Variants in ZFHX3 observed in about 807,000 individuals in gnomAD.
The protein encoded by ZFHX3 is zinc finger homeobox protein 3.
In ZFHX3, 42 loss-of-function variants were observed where a neutral mutation model predicts 279.1. The observed-to-expected ratio is 0.15, with a 90% CI of 0.12 to 0.19. ZFHX3 has a LOEUF of 0.19. Ranked by LOEUF, ZFHX3 falls within the 10% of genes least tolerant of loss-of-function variation. The probability of loss-of-function intolerance (pLI) is 1.00; values close to 1 mark genes in which losing one functional copy is unlikely to be tolerated. For missense variants in ZFHX3, 4,981 were observed against 4,754.0 expected (o/e 1.05, Z -1.40); for synonymous variants, 2,293 against 1,957.8 (o/e 1.17, Z -4.52).
intron 7 of ZFHX3, among the ~76,000 whole-genome samples, chr16:72,810,535 C>T (rs868448455): frequency 1.3e-5 from 2 of 152,216 alleles, no homozygotes; most frequent in Non-Finnish European, 2.9e-5. Flanking sequence ...TAGGACATCA[C>T]CATCACTGGC....
At chr16:73,723,902 T>C (rs1012825659) in intron 1 of ZFHX3, among the ~76,000 whole-genome samples, 5 of 152,190 alleles carry the variant, frequency 3.3e-5, no homozygotes, top group African/African-American at 9.7e-5. Context: ...TATTTAAGCA[T>C]TGAAGAAAAC....
At position 73,468,601 on chromosome 16, in the gene ZFHX3, G is replaced by A. The variant is rs149696934; in HGVS notation, c.-1546-12343C>T. Among the ~76,000 whole-genome samples the A allele has an allele frequency of 5.3e-3, 809 of 152,270 alleles. 3 individuals are homozygous for A. Among genetic ancestry groups the A allele is most frequent in the South Asian group, 8.3e-3 (40 of 4,822 alleles). On this transcript the variant is annotated intron_variant, in intron 2 of 17. Transcript: ENST00000641206. ...AAATACAAAATATTAGCCAGGTGTG[G>A]TGGGACATGCCTGTAATCCCAGCTT...
At chr16:73,297,615 G>C (rs1163864665) in intron 4 of ZFHX3, among the ~76,000 whole-genome samples, 1 of 151,954 alleles carries the variant, frequency 6.6e-6, no homozygotes. Context: ...AGTCAAACGG[G>C]ACACATGTAG....
intron 7 of ZFHX3, among the ~76,000 whole-genome samples, chr16:72,803,093 A>G (rs1236859035): frequency 6.6e-6 from 1 of 152,160 alleles, no homozygotes; most frequent in Non-Finnish European, 1.5e-5. Context: ...GCACTTTGGG[A>G]GGCTGAGGCG....
At chr16:73,010,987 ATTTTGTGAGACAGGGTCTCAC>A (rs1432207769) in intron 1 of ZFHX3, among the ~76,000 whole-genome samples, 2 of 151,588 alleles carry the variant, frequency 1.3e-5, no homozygotes, top group Non-Finnish European at 2.9e-5. Context: ...TGTTTGTTTT[ATTTTGTGAGACAGGGTCTCAC>A]TCTTGTCATC....
chr16:73,173,001 T>G (rs1484267753), intron 5 of ZFHX3, among the ~76,000 whole-genome samples: 4 of 64,914 alleles, frequency 6.2e-5, no homozygotes, highest in Non-Finnish European at 1.2e-4. Context: ...TTTTTGTTTT[T>G]TTTTTTGTTT....
At chr16:72,967,760 C>CA (rs1201182514) in intron 1 of ZFHX3, among the ~76,000 whole-genome samples, 2,195 of 81,614 alleles carry the variant, frequency 0.027, 34 homozygotes, top group African/African-American at 0.059. Context: ...ACTAAAAATA[C>CA]AAAAAAAAAA....
At chr16:73,770,389 T>G (rs1289170332) in intron 1 of ZFHX3, among the ~76,000 whole-genome samples, 1 of 152,220 alleles carries the variant, frequency 6.6e-6, no homozygotes, top group Non-Finnish European at 1.5e-5. Context: ...GAAGACCCAT[T>G]TTGAACTTCT....
chr16:73,586,814 A>C (rs2143833517), intron 2 of ZFHX3, among the ~76,000 whole-genome samples: 1 of 152,352 alleles, frequency 6.6e-6, no homozygotes, highest in South Asian at 2.1e-4. Flanking sequence ...AATAGTTAGT[A>C]TTAGATGACT....
At chr16:73,541,786 C>CT (rs546761843) in intron 2 of ZFHX3, among the ~76,000 whole-genome samples, 3,303 of 87,994 alleles carry the variant, frequency 0.038, 311 homozygotes, top group Non-Finnish European at 0.052. Context: ...TGGTGGTTCT[C>CT]TTTTTTTTTT....
At chr16:73,377,376 A>G (rs373690234) in intron 3 of ZFHX3, among the ~76,000 whole-genome samples, 3 of 152,276 alleles carry the variant, frequency 2.0e-5, no homozygotes, top group African/African-American at 7.2e-5. Flanking sequence ...ACCAGGTATT[A>G]AGACTTACCA....
intron 4 of ZFHX3, among the ~76,000 whole-genome samples, chr16:72,863,023 C>T (rs925149845): frequency 2.6e-5 from 4 of 151,902 alleles, no homozygotes; most frequent in Non-Finnish European, 5.9e-5. Flanking sequence ...GGTGGAGGAT[C>T]GCTTGAGCCC....
chr16:72,947,385 T>C (rs1006963216), intron 3 of ZFHX3, among the ~76,000 whole-genome samples: 1 of 152,168 alleles, frequency 6.6e-6, no homozygotes, highest in Non-Finnish European at 1.5e-5. Flanking sequence ...GATTAAAAAT[T>C]ATCTCACGCT....
exon 7 of ZFHX3, chr16:73,131,086 C>T (rs1042380780): frequency 2.4e-6 from 2 of 825,384 alleles, no homozygotes; most frequent in Non-Finnish European, 1.8e-6. Flanking sequence ...TGTGTCTCAG[C>T]TTCTCTATCT....
intron 3 of ZFHX3, among the ~76,000 whole-genome samples, chr16:73,369,661 T>G (rs2016588900): frequency 6.6e-6 from 1 of 152,218 alleles, no homozygotes; most frequent in African/African-American, 2.4e-5. Flanking sequence ...GGACCACCTG[T>G]GAGCCTGCTA....
chr16:73,227,827 C>G (rs2012647442), intron 5 of ZFHX3, among the ~76,000 whole-genome samples: 1 of 98,030 alleles, frequency 1.0e-5, no homozygotes, highest in African/African-American at 4.2e-5. Flanking sequence ...TCAGCCTGAG[C>G]AACAGAGCAA....
At chr16:73,034,766 G>A (rs939651979) in intron 1 of ZFHX3, among the ~76,000 whole-genome samples, 1 of 152,218 alleles carries the variant, frequency 6.6e-6, no homozygotes, top group African/African-American at 2.4e-5. Context: ...CTGCCTCTGG[G>A]AAGGTTTTCA....
intron 2 of ZFHX3, among the ~76,000 whole-genome samples, chr16:73,649,668 T>A (rs927398118): frequency 2.6e-5 from 4 of 152,228 alleles, no homozygotes; most frequent in African/African-American, 9.6e-5. Context: ...TGCACCGTGC[T>A]TCCTAGCCAG....
At chr16:72,823,824 G>A (rs2036863168) in intron 5 of ZFHX3, among the ~76,000 whole-genome samples, 1 of 152,114 alleles carries the variant, frequency 6.6e-6, no homozygotes, top group Admixed American at 6.5e-5. Flanking sequence ...AGGTCACGCA[G>A]GTGAACTTAG....
Sources: gnomAD v4.1 joint callset for allele counts (sites outside exome capture counted in the v4.1 genomes callset) on GRCh38, gnomAD v4.1.1 for gene constraint, MANE v1.5 for transcripts, NCBI Gene and HGNC (gene_info 2026-07-23, HGNC 2026-07-21) for gene names.